The following ABR variants were observed in gnomAD, a reference collection of about 807,000 sequenced individuals.
ABR encodes the protein ABR activator of RhoGEF and GTPase, also known as active breakpoint cluster region-related protein.
A neutral mutation model predicts 107.2 loss-of-function variants in ABR; 35 were observed. That is an observed-to-expected ratio of 0.33 (90% CI 0.25 to 0.43). ABR has a LOEUF of 0.43. Ranked by LOEUF, ABR falls within the 20% of genes least tolerant of loss-of-function variation. The pLI is 1.00. For synonymous variants in ABR, 498 were observed against 462.0 expected (o/e 1.08, Z -1.00); for missense variants, 815 against 1,115.2 (o/e 0.73, Z 3.83).
At chr17:1,211,806 C>G (rs1320158985) in intron 1 of ABR, among the ~76,000 whole-genome samples, 1 of 152,150 alleles carries the variant, frequency 6.6e-6, no homozygotes, top group Non-Finnish European at 1.5e-5. Flanking sequence ...CAAGGCCGGC[C>G]ACGGTGGCTC....
At chr17:1,063,352 CGTG>C (rs2034284598) in intron 10 of ABR, among the ~76,000 whole-genome samples, 2 of 110,240 alleles carry the variant, frequency 1.8e-5, no homozygotes, top group Non-Finnish European at 3.9e-5. Context: ...ACTGTTGTTA[CGTG>C]AACTGAGGGC....
intron 1 of ABR, chr17:1,177,983 C>T (rs1443442664): frequency 6.6e-6 from 1 of 152,354 alleles, no homozygotes; most frequent in Non-Finnish European, 1.5e-5. Flanking sequence ...TGGCACAGGA[C>T]CTATGCCCAG....
At chr17:1,052,237 C>T (rs1485794511) in intron 14 of ABR, among the ~76,000 whole-genome samples, 1 of 151,818 alleles carries the variant, frequency 6.6e-6, no homozygotes, top group Non-Finnish European at 1.5e-5. Context: ...CTGAGCACCC[C>T]AGCCTGGGCC....
intron 1 of ABR, among the ~76,000 whole-genome samples, chr17:1,137,247 T>C (rs554011873): frequency 5.3e-5 from 8 of 152,294 alleles, no homozygotes; most frequent in Admixed American, 2.6e-4. Context: ...TTTCACCATG[T>C]TGGCCAGGCT....
intron 2 of ABR, chr17:1,101,046 A>C: frequency 2.9e-6 from 1 of 346,164 alleles, no homozygotes; most frequent in Non-Finnish European, 5.5e-6. Flanking sequence ...CTGATATAGA[A>C]CTCCTGACCT....
chr17:1,117,619 G>A (rs1311981448), intron 2 of ABR, among the ~76,000 whole-genome samples: 1 of 36,980 alleles, frequency 2.7e-5, no homozygotes, highest in African/African-American at 1.3e-4. Flanking sequence ...TCCTCCCAGC[G>A]TTATCCCTGA....
Position 1,154,037 on chromosome 17 carries a change from G to A in ABR, c.61+25630C>T, listed in dbSNP as rs917988258. The stretch of plus-strand genomic sequence containing the variant: ...TCTGCTCCCACTCGGGGGCGGGCGC[G>A]TGGGAGGACCAACGAAGAGGGAGGA... On this transcript the variant is annotated intron_variant, in intron 1 of 22. Coordinates refer to ENST00000302538, the MANE Select transcript of ABR (RefSeq NM_021962.5). The surrounding 1 kb of genome is among the most constrained non-coding windows in gnomAD (Gnocchi z 4.0). 4 of 155,838 alleles carry A rather than the reference G, an allele frequency of 2.6e-5. No homozygotes were observed. Among genetic ancestry groups the A allele is most frequent in the African/African-American group, 4.8e-5 (2 of 41,470 alleles). 9.7% of individuals were successfully genotyped at this position (155,838 alleles called of 1,614,324 possible). A position where few individuals can be genotyped will look rare whatever the true frequency, so the allele number is the denominator to read the frequency against.
intron 16 of ABR, among the ~76,000 whole-genome samples, chr17:1,036,759 T>A (rs2073211910): frequency 6.6e-6 from 1 of 152,094 alleles, no homozygotes. Flanking sequence ...GCATTCTTAC[T>A]GTGTGTTCTG....
intron 2 of ABR, among the ~76,000 whole-genome samples, chr17:1,120,164 A>G (rs957937918): frequency 4.6e-5 from 7 of 152,184 alleles, no homozygotes; most frequent in Non-Finnish European, 8.8e-5. Context: ...CTCTTAAATG[A>G]AACCAACACG....
intron 12 of ABR, 98 bp downstream of exon 12, chr17:1,057,872 G>A: frequency 2.7e-6 from 3 of 1,122,754 alleles, no homozygotes; most frequent in East Asian, 2.4e-5. Flanking sequence ...GACTGCGAGG[G>A]CCAAAGACGT....
chr17:1,114,169 C>CAAAAAA lies in ABR; in HGVS notation c.246+11008_246+11013dup, dbSNP rs72267709. 5.3e-5 allele frequency among the ~76,000 whole-genome samples: 7 copies of CAAAAAA among 131,494 alleles called. 1 individual carries two copies. The highest frequency in any genetic ancestry group is 9.5e-5 in the Non-Finnish European group (6 of 63,284). 86.3% of individuals were successfully genotyped at this position (131,494 alleles called of 152,430 possible). ...TGGGCCACAGAGAAAGACCCTGTCT[C>CAAAAAA]AAAAAAAAAAAAAAAATTAGGCTGG... On this transcript the variant is annotated intron_variant, in intron 2 of 22. Coordinates refer to ENST00000302538, the MANE Select transcript of ABR (RefSeq NM_021962.5).
intron 16 of ABR, among the ~76,000 whole-genome samples, chr17:1,022,120 A>AAAAAAAAAACAAAAAC (rs56033950): frequency 4.2e-5 from 5 of 118,388 alleles, no homozygotes; most frequent in African/African-American, 1.8e-4. Context: ...AAAAAAAAAA[A>AAAAAAAAAACAAAAAC]AAAAACAGAA....
In ABR at chr17:1,048,286, G is replaced by A. The variant is rs558481514; in HGVS notation, c.1791+1764C>T. On this transcript the variant is annotated intron_variant, in intron 16 of 22. Coordinates refer to ENST00000302538, the MANE Select transcript of ABR (RefSeq NM_021962.5). ...CGGAAAGAGACGTGTTTAGGAACAC[G>A]GGGCGTATGCGGCAGAGGCCAGGCC... 5.3e-5 allele frequency among the ~76,000 whole-genome samples: 8 copies of A among 152,364 alleles called. No individual in the cohort carries two copies. The South Asian group carries it at 6.2e-4, about 12-fold the overall frequency.
At chr17:1,168,632 G>T (rs1289262722) in intron 1 of ABR, among the ~76,000 whole-genome samples, 1 of 152,212 alleles carries the variant, frequency 6.6e-6, no homozygotes, top group African/African-American at 2.4e-5. Context: ...AGAGAAAATG[G>T]TCTAGCACAG....
At chr17:1,074,203 C>A (rs1437485146) in intron 6 of ABR, among the ~76,000 whole-genome samples, 1 of 148,274 alleles carries the variant, frequency 6.7e-6, no homozygotes, top group Non-Finnish European at 1.5e-5. Context: ...ACACCTGCCA[C>A]ACGCAGGACC....
At chr17:1,114,184 A>C (rs1023915655) in intron 2 of ABR, among the ~76,000 whole-genome samples, 8 of 149,970 alleles carry the variant, frequency 5.3e-5, no homozygotes, top group African/African-American at 2.0e-4. Context: ...AAAAAAAAAA[A>C]ATTAGGCTGG....
At chr17:1,049,967 C>G in intron 16 of ABR, 83 bp downstream of exon 16, 2 of 1,516,042 alleles carry the variant, frequency 1.3e-6, no homozygotes, top group Non-Finnish European at 8.8e-7. Flanking sequence ...CACGAAAGAG[C>G]AGGCTCCTTG....
At chr17:1,126,089 C>A (rs928098093) in intron 1 of ABR, among the ~76,000 whole-genome samples, 1 of 152,180 alleles carries the variant, frequency 6.6e-6, no homozygotes, top group Non-Finnish European at 1.5e-5. Flanking sequence ...ATTAACCCCC[C>A]AGGGCTGCCA....
At chr17:1,034,344 AG>A (rs1362259087) in intron 16 of ABR, among the ~76,000 whole-genome samples, 1 of 152,168 alleles carries the variant, frequency 6.6e-6, no homozygotes, top group African/African-American at 2.4e-5. Context: ...ACGAATCAAA[AG>A]TCAGTGCTTG....
Sources: gnomAD v4.1 joint callset for allele counts (sites outside exome capture counted in the v4.1 genomes callset) on GRCh38, gnomAD v4.1.1 for gene constraint, Gnocchi (gnomAD v3.1) non-coding constraint, MANE v1.5 for transcripts, NCBI Gene and HGNC (gene_info 2026-07-23, HGNC 2026-07-21) for gene names.